NRXN3: variants seen among roughly 807,000 people sequenced by gnomAD.
NRXN3 encodes neurexin 3.
Under a neutral mutation model 137.6 loss-of-function variants are expected in NRXN3, and 32 were observed. The ratio of observed to expected loss-of-function variants is 0.23; its 90% CI spans 0.18 to 0.31. The LOEUF is 0.31. NRXN3 is among the 10% of genes least tolerant of loss of function. The pLI is 1.00. For missense variants in NRXN3, 1,574 were observed against 2,062.5 expected, an observed-to-expected ratio of 0.76 and a Z score of 4.59; for synonymous variants, 798 against 784.5, an observed-to-expected ratio of 1.02 and a Z score of -0.29.
chr14:79,512,744 C>A (rs1383438948), intron 16 of NRXN3, among the ~76,000 whole-genome samples: 1 of 152,122 alleles, frequency 6.6e-6, no homozygotes, highest in Non-Finnish European at 1.5e-5. Flanking sequence ...TGTGTCGTCC[C>A]CAATCTTTCC....
chr14:78,345,627 A>G (rs1176933668), intron 4 of NRXN3, among the ~76,000 whole-genome samples: 2 of 151,904 alleles, frequency 1.3e-5, no homozygotes, highest in East Asian at 1.9e-4. Context: ...CCTCTCTTTT[A>G]TTACCACTTC....
chr14:78,754,882 C>A (rs1263835100), intron 8 of NRXN3, among the ~76,000 whole-genome samples: 1 of 150,868 alleles, frequency 6.6e-6, no homozygotes, highest in Non-Finnish European at 1.5e-5. Flanking sequence ...GCCCTGTATC[C>A]ACACCTTTTT....
At chr14:79,781,156 G>A (rs2099112643) in intron 19 of NRXN3, among the ~76,000 whole-genome samples, 1 of 152,084 alleles carries the variant, frequency 6.6e-6, no homozygotes, top group African/African-American at 2.4e-5. Context: ...GTGAGATGCT[G>A]AAGTTATTTT....
chr14:79,431,579 GAAAT>G (rs2095755558), intron 15 of NRXN3, among the ~76,000 whole-genome samples: 1 of 151,908 alleles, frequency 6.6e-6, no homozygotes, highest in African/African-American at 2.4e-5. Context: ...CCTAAGCAAA[GAAAT>G]AAAATCTAAC....
rs528936836 is a variant in NRXN3 at position 79,448,629 on chromosome 14, T to C, written c.3263-18592T>C. Among the ~76,000 whole-genome samples the C allele has an allele frequency of 3.2e-4, 48 of 152,182 alleles. 1 individual carries two copies. Among genetic ancestry groups the C allele is most frequent in the Non-Finnish European group, 5.3e-4 (36 of 68,032 alleles). ...ATTTAACAGTGTGTGTAGCCATCCATACAGTAAAGAATTCTGCAACTCACA... is the reference window on the plus strand; with the variant it reads ...ATTTAACAGTGTGTGTAGCCATCCACACAGTAAAGAATTCTGCAACTCACA... On this transcript the variant is annotated intron_variant, in intron 15 of 20. Coordinates refer to ENST00000335750, the MANE Select transcript of NRXN3 (RefSeq NM_001330195.2).
intron 15 of NRXN3, among the ~76,000 whole-genome samples, chr14:79,064,663 G>A (rs1566676): frequency 0.51 from 74,488 of 147,052 alleles, 21,850 homozygotes; most frequent in East Asian, 0.78. Context: ...AATATATATG[G>A]GTAATTATAT....
intron 2 of NRXN3, among the ~76,000 whole-genome samples, chr14:78,275,225 T>G (rs2073404631): frequency 1.3e-5 from 2 of 152,244 alleles, no homozygotes; most frequent in African/African-American, 4.8e-5. Context: ...ATTATGTATC[T>G]GTTTTTATTC....
intron 8 of NRXN3, among the ~76,000 whole-genome samples, chr14:78,753,438 T>C (rs2098652647): frequency 6.6e-6 from 1 of 152,224 alleles, no homozygotes; most frequent in Admixed American, 6.5e-5. Flanking sequence ...CTTAAGCTGG[T>C]GTCACCTTTA....
intron 19 of NRXN3, among the ~76,000 whole-genome samples, chr14:79,702,218 A>AACTT (rs2098757279): frequency 1.3e-5 from 2 of 152,232 alleles, no homozygotes; most frequent in Middle Eastern, 3.4e-3. Context: ...ATTTTAAACC[A>AACTT]ACTTAGAGTT....
At chr14:79,236,226 T>C (rs531423423) in intron 15 of NRXN3, among the ~76,000 whole-genome samples, 1 of 152,264 alleles carries the variant, frequency 6.6e-6, no homozygotes, top group African/African-American at 2.4e-5. Context: ...TCCACTCACC[T>C]TCACGTTCTC....
intron 16 of NRXN3, among the ~76,000 whole-genome samples, chr14:79,624,633 C>G (rs907166154): frequency 6.8e-6 from 1 of 146,198 alleles, no homozygotes; most frequent in African/African-American, 2.7e-5. Context: ...ATTCGTTCTA[C>G]ATAATTGTAA....
At chr14:78,461,695 T>G (rs1001762787) in intron 4 of NRXN3, among the ~76,000 whole-genome samples, 1 of 152,204 alleles carries the variant, frequency 6.6e-6, no homozygotes, top group African/African-American at 2.4e-5. Context: ...CATAACACAC[T>G]GACCTGTTTT....
At chr14:79,684,608 G>A (rs1035600889) in intron 17 of NRXN3, among the ~76,000 whole-genome samples, 1 of 152,116 alleles carries the variant, frequency 6.6e-6, no homozygotes, top group Admixed American at 6.5e-5. Context: ...CTGTTGTCGG[G>A]ATGACAATGT....
intron 9 of NRXN3, among the ~76,000 whole-genome samples, chr14:78,809,426 C>T (rs1343367554): frequency 6.6e-6 from 1 of 152,138 alleles, no homozygotes; most frequent in East Asian, 1.9e-4. Flanking sequence ...ATTCAGTCTG[C>T]GTATTCAGGC....
chr14:78,393,589 A>G (rs2091055361), intron 4 of NRXN3, among the ~76,000 whole-genome samples: 1 of 151,968 alleles, frequency 6.6e-6, no homozygotes, highest in Non-Finnish European at 1.5e-5. Flanking sequence ...TGCTTCAGGT[A>G]TTCTAGTTTC....
chr14:79,795,028 A>C (rs2099156912), intron 19 of NRXN3, among the ~76,000 whole-genome samples: 1 of 152,162 alleles, frequency 6.6e-6, no homozygotes. Flanking sequence ...CTTTGTGAGC[A>C]AAAAACCCTG....
chr14:79,742,961 C>T (rs950210499), intron 19 of NRXN3, among the ~76,000 whole-genome samples: 3 of 151,926 alleles, frequency 2.0e-5, no homozygotes, highest in African/African-American at 7.3e-5. Context: ...TTTGTTCTGC[C>T]CTATAATAAA....
intron 6 of NRXN3, among the ~76,000 whole-genome samples, chr14:78,701,061 C>A (rs920901300): frequency 6.6e-6 from 1 of 152,146 alleles, no homozygotes; most frequent in East Asian, 1.9e-4. Context: ...TGAGCCACTG[C>A]GCCCGGCCTG....
chr14:78,382,371 A>G (rs1418684059), intron 4 of NRXN3, among the ~76,000 whole-genome samples: 1 of 152,192 alleles, frequency 6.6e-6, no homozygotes, highest in African/African-American at 2.4e-5. Flanking sequence ...ATGAAAGTAG[A>G]TAGAACAGAG....
Sources: gnomAD v4.1 joint callset for allele counts (sites outside exome capture counted in the v4.1 genomes callset) on GRCh38, gnomAD v4.1.1 for gene constraint, MANE v1.5 for transcripts, NCBI Gene and HGNC (gene_info 2026-07-23, HGNC 2026-07-21) for gene names.